The following ASB3 variants were observed in gnomAD, a reference collection of about 807,000 sequenced individuals.
The protein encoded by ASB3 is ankyrin repeat and SOCS box containing 3, also known as ankyrin repeat and SOCS box protein 3.
Under a neutral mutation model 54.5 loss-of-function variants are expected in ASB3, and 41 were observed. That is an observed-to-expected ratio of 0.75 (90% CI 0.59 to 0.98). The LOEUF (loss-of-function observed/expected upper bound fraction) is 0.98, where lower values mean the gene tolerates loss of function less well. Among genes scored for constraint, ASB3 ranks in the 50% least tolerant of loss-of-function variants. The pLI, the probability that ASB3 is intolerant of heterozygous loss-of-function variation, is 0.00. For missense variants in ASB3, 733 were observed against 620.0 expected (o/e 1.18, Z -1.94); for synonymous variants, 266 against 221.2 (o/e 1.20, Z -1.80).
chr2:53,724,823 T>C (rs1381972002), intron 5 of ASB3, among the ~76,000 whole-genome samples: 1 of 152,192 alleles, frequency 6.6e-6, no homozygotes, highest in African/African-American at 2.4e-5. Flanking sequence ...GGAACGCTTA[T>C]ACATTCTTGG....
At chr2:53,753,704 T>A (rs191476750) in intron 2 of ASB3, among the ~76,000 whole-genome samples, 1 of 151,840 alleles carries the variant, frequency 6.6e-6, no homozygotes, top group African/African-American at 2.4e-5. Flanking sequence ...TGGCGTGATC[T>A]CAGCTCACTG....
intron 5 of ASB3, among the ~76,000 whole-genome samples, chr2:53,722,777 A>T (rs1263072654): frequency 6.6e-6 from 1 of 152,190 alleles, no homozygotes; most frequent in Non-Finnish European, 1.5e-5. Flanking sequence ...AGAGAAATGG[A>T]AGAAGACAAG....
chr2:53,771,218 C>T (rs75596601), intron 1 of ASB3, among the ~76,000 whole-genome samples: 3,472 of 152,016 alleles, frequency 0.023, 60 homozygotes, highest in Non-Finnish European at 0.035. Flanking sequence ...TTTTTTTTCC[C>T]CTAATAAAAC....
At chr2:53,756,109 T>C (rs1423047248) in intron 2 of ASB3, among the ~76,000 whole-genome samples, 5 of 144,534 alleles carry the variant, frequency 3.5e-5, no homozygotes, top group African/African-American at 4.9e-5. Context: ...GAGGCTGCAA[T>C]GAGCCATGAT....
chr2:53,730,849 A>G (rs1213494746), intron 3 of ASB3, among the ~76,000 whole-genome samples: 2 of 152,106 alleles, frequency 1.3e-5, no homozygotes, highest in Non-Finnish European at 2.9e-5. Context: ...ATCTCCCACT[A>G]TAGTAGGAGG....
At chr2:53,677,890 TTAAAG>T (rs1668165749) in intron 9 of ASB3, among the ~76,000 whole-genome samples, 1 of 152,226 alleles carries the variant, frequency 6.6e-6, no homozygotes, top group Non-Finnish European at 1.5e-5. Context: ...AGGCTCACTG[TTAAAG>T]TAAAGGTGAG....
intron 5 of ASB3, among the ~76,000 whole-genome samples, chr2:53,726,181 C>G (rs1351457657): frequency 6.6e-6 from 1 of 151,064 alleles, no homozygotes; most frequent in Non-Finnish European, 1.5e-5. Flanking sequence ...AACAGGAGCT[C>G]AGAGCTCCAG....
chr2:53,703,345 T>A (rs1040067030), intron 7 of ASB3, among the ~76,000 whole-genome samples: 6 of 152,232 alleles, frequency 3.9e-5, no homozygotes, highest in South Asian at 4.1e-4. Flanking sequence ...CACCTTTCCA[T>A]CATCCCTGGG....
chr2:53,733,499 T>C (rs913167790), intron 3 of ASB3, among the ~76,000 whole-genome samples: 35 of 151,866 alleles, frequency 2.3e-4, no homozygotes, highest in Non-Finnish European at 1.0e-4. Context: ...TCGACTGCAG[T>C]AGCACTATTT....
chr2:53,714,410 A>G lies in ASB3; in HGVS notation c.954T>C (p.Ser318=). The change falls in exon 7 of 10, where the codon TCT becomes TCC. Residue 318 remains serine (S), a synonymous_variant. Transcript: ENST00000263634. The part of the protein sequence containing the change: ...AQACLVFGFS[S]PVCMAFQKDC... ...CCTTTTGGAAAGCCATGCACACAGG[A>G]GAACTGAATCCAAAAACAAGGCACG... 1.9e-6 allele frequency: 3 copies of G among 1,614,232 alleles called. No homozygotes were observed. In the East Asian group the frequency reaches 6.7e-5, roughly 36 times the overall value.
intron 7 of ASB3, among the ~76,000 whole-genome samples, chr2:53,711,644 C>A (rs1670102737): frequency 6.6e-6 from 1 of 152,080 alleles, no homozygotes; most frequent in African/African-American, 2.4e-5. Context: ...CATGGTGGCA[C>A]ATGCCTACAA....
intron 3 of ASB3, among the ~76,000 whole-genome samples, chr2:53,742,365 G>C (rs1572948814): frequency 6.6e-6 from 1 of 151,952 alleles, no homozygotes; most frequent in East Asian, 1.9e-4. Context: ...TTATCACAAA[G>C]GTACCAGCAC....
chr2:53,718,800 T>C (rs1333665367), intron 5 of ASB3, among the ~76,000 whole-genome samples: 1 of 151,610 alleles, frequency 6.6e-6, no homozygotes, highest in East Asian at 1.9e-4. Flanking sequence ...CCCATCCATC[T>C]GCTGCCTTCA....
chr2:53,721,651 T>C (rs189131765), intron 5 of ASB3, among the ~76,000 whole-genome samples: 32 of 152,126 alleles, frequency 2.1e-4, no homozygotes, highest in African/African-American at 7.2e-4. Flanking sequence ...ATCAAAAAAT[T>C]CTTTGAAATA....
chr2:53,780,543 C>T (rs775175294), intron 1 of ASB3, among the ~76,000 whole-genome samples: 3 of 152,038 alleles, frequency 2.0e-5, no homozygotes, highest in Non-Finnish European at 4.4e-5. Flanking sequence ...ATTTGGGAGG[C>T]CAAAGCAAGG....
intron 5 of ASB3, among the ~76,000 whole-genome samples, chr2:53,725,819 G>C (rs977727855): frequency 6.6e-6 from 1 of 152,146 alleles, no homozygotes; most frequent in East Asian, 1.9e-4. Context: ...AATTTCTCAT[G>C]ATAGAAACTA....
At chr2:53,714,192 C>T (rs1258400915) in intron 7 of ASB3, among the ~76,000 whole-genome samples, 192 bp downstream of exon 7, 1 of 152,118 alleles carries the variant, frequency 6.6e-6, no homozygotes, top group African/African-American at 2.4e-5. Context: ...GGAAGGAAAA[C>T]AATGTGATAT....
At chr2:53,689,056 AAT>A (rs1668774725) in intron 9 of ASB3, among the ~76,000 whole-genome samples, 3 of 152,238 alleles carry the variant, frequency 2.0e-5, no homozygotes, top group South Asian at 2.1e-4. Context: ...GTAAATTTTA[AAT>A]ATGTCATAAA....
chr2:53,708,187 G>T (rs1028300356), intron 7 of ASB3, among the ~76,000 whole-genome samples: 1 of 152,068 alleles, frequency 6.6e-6, no homozygotes, highest in African/African-American at 2.4e-5. Context: ...CCTCGGTAGT[G>T]TCCTCACAGT....
Sources: gnomAD v4.1 joint callset for allele counts (sites outside exome capture counted in the v4.1 genomes callset) on GRCh38, gnomAD v4.1.1 for gene constraint, MANE v1.5 for transcripts, NCBI Gene and HGNC (gene_info 2026-07-23, HGNC 2026-07-21) for gene names.